Variants in IL1RAPL2 observed in about 807,000 individuals in gnomAD.
The protein encoded by IL1RAPL2 is interleukin 1 receptor accessory protein like 2.
IL1RAPL2 carries 3 observed loss-of-function variants against 44.1 expected under a neutral mutation model. The ratio of observed to expected loss-of-function variants is 0.07; its 90% CI spans 0.03 to 0.18. IL1RAPL2 has a LOEUF of 0.18. Among genes scored for constraint, IL1RAPL2 ranks in the 10% least tolerant of loss-of-function variants. IL1RAPL2 has a pLI of 1.00. For missense variants in IL1RAPL2, 391 were observed against 496.4 expected (o/e 0.79, Z 2.02); for synonymous variants, 181 against 178.8 (o/e 1.01, Z -0.10).
At chrX:105,358,651 G>A (rs1482690640) in intron 5 of IL1RAPL2, among the ~76,000 whole-genome samples, 1 of 98,958 alleles carries the variant, frequency 1.0e-5, no homozygotes, top group African/African-American at 3.9e-5. Context: ...CTCCAGCCTG[G>A]GCAATAGAGT....
intron 1 of IL1RAPL2, among the ~76,000 whole-genome samples, 161 bp from the exon 2 acceptor site, chrX:104,658,734 A>G (rs1426437965): frequency 8.9e-6 from 1 of 112,893 alleles, no homozygotes; most frequent in Non-Finnish European, 1.9e-5. Flanking sequence ...TTTAACTGTG[A>G]ACTTTCATGT....
chrX:105,075,999 G>A (rs1157243012), intron 2 of IL1RAPL2, among the ~76,000 whole-genome samples: 89 of 111,418 alleles, frequency 8.0e-4, no homozygotes, highest in African/African-American at 2.8e-3. Context: ...ACCAGCTCCT[G>A]GATTCATTGA....
intron 6 of IL1RAPL2, among the ~76,000 whole-genome samples, chrX:105,684,983 T>C (rs2037957970): frequency 9.0e-6 from 1 of 111,669 alleles, no homozygotes; most frequent in Non-Finnish European, 1.9e-5. Flanking sequence ...GAAGGAAAAC[T>C]AACAAACAGA....
At position 105,369,599 on chromosome X, in the gene IL1RAPL2, T is replaced by C. The variant is rs920309896; in HGVS notation, c.697+102058T>C. ...GAGGGTCTGAGACATATGACTGTAT[T>C]CTTGATCAGACTGCTCATTTTGAAC... On this transcript the variant is annotated intron_variant, in intron 5 of 10. Transcript: ENST00000372582. Among the ~76,000 whole-genome samples the C allele has an allele frequency of 5.4e-5, 6 of 111,590 alleles. No individual in the cohort carries two copies. In the Admixed American group the frequency reaches 5.8e-4, roughly 11 times the overall value.
chrX:105,073,801 C>A (rs1387360178), intron 2 of IL1RAPL2, among the ~76,000 whole-genome samples: 4 of 112,029 alleles, frequency 3.6e-5, no homozygotes, highest in Non-Finnish European at 7.5e-5. Flanking sequence ...TGATGATGAG[C>A]ATTTTTTCAT....
At chrX:104,901,579 G>A (rs1362850326) in intron 2 of IL1RAPL2, among the ~76,000 whole-genome samples, 1 of 110,294 alleles carries the variant, frequency 9.1e-6, no homozygotes, top group African/African-American at 3.3e-5. Context: ...GATTTGGCAG[G>A]GCTCTATCAG....
intron 1 of IL1RAPL2, among the ~76,000 whole-genome samples, chrX:104,572,563 T>C (rs772126060): frequency 8.9e-6 from 1 of 112,120 alleles, no homozygotes; most frequent in East Asian, 2.8e-4. Context: ...TTATCTCTCA[T>C]ACCTCATAGC....
At chrX:105,293,629 T>C (rs2034632350) in intron 5 of IL1RAPL2, among the ~76,000 whole-genome samples, 2 of 112,435 alleles carry the variant, frequency 1.8e-5, no homozygotes, top group South Asian at 7.3e-4. Flanking sequence ...GTGTTAAGCA[T>C]GTTTTCATAT....
intron 6 of IL1RAPL2, among the ~76,000 whole-genome samples, chrX:105,541,518 T>C (rs1178587509): frequency 9.0e-6 from 1 of 111,567 alleles, no homozygotes; most frequent in Admixed American, 9.5e-5. Flanking sequence ...AAGGTAAATC[T>C]GGACAAAGTA....
At chrX:104,567,655 C>G (rs1602623576) in intron 1 of IL1RAPL2, among the ~76,000 whole-genome samples, 1 of 112,314 alleles carries the variant, frequency 8.9e-6, no homozygotes, top group Admixed American at 9.3e-5. Context: ...ATCCCCGATA[C>G]CCCTAGAGTG....
chrX:104,645,607 C>T (rs1930021161), intron 1 of IL1RAPL2, among the ~76,000 whole-genome samples: 1 of 112,154 alleles, frequency 8.9e-6, no homozygotes, highest in African/African-American at 3.2e-5. Flanking sequence ...TCTCTCTTTC[C>T]TTTCAAAACA....
At chrX:105,227,419 AC>A (rs1556190721) in intron 3 of IL1RAPL2, among the ~76,000 whole-genome samples, 1 of 111,906 alleles carries the variant, frequency 8.9e-6, no homozygotes, top group Non-Finnish European at 1.9e-5. Flanking sequence ...AAACAATAAA[AC>A]AAAAATCCCG....
At chrX:104,901,118 T>G (rs191628168) in intron 2 of IL1RAPL2, among the ~76,000 whole-genome samples, 58 of 108,534 alleles carry the variant, frequency 5.3e-4, no homozygotes, top group Admixed American at 4.9e-3. Context: ...TTAATATACC[T>G]CAGTTAATGA....
At chrX:105,357,833 A>G (rs1056603631) in intron 5 of IL1RAPL2, among the ~76,000 whole-genome samples, 30 of 109,397 alleles carry the variant, frequency 2.7e-4, no homozygotes, top group African/African-American at 1.0e-3. Flanking sequence ...GTATACATAT[A>G]CTCACACATT....
Position 105,234,126 on chromosome X carries a change from A to G in IL1RAPL2, c.543+122A>G, listed in dbSNP as rs1188089661. The G allele has an allele frequency of 8.1e-6, 4 of 491,938 alleles. No individual in the cohort carries two copies. The Admixed American group carries it at 1.7e-4, about 21-fold the overall frequency. 40.5% of individuals were successfully genotyped at this position (491,938 alleles called of 1,213,427 possible). A position where few individuals can be genotyped will look rare whatever the true frequency, so the allele number is the denominator to read the frequency against. Reference sequence around the variant, plus strand: ...ATATTTCACTGAGAAGAATCAACAGATCCATAACTAAATAATTCAGAGCTG... The same window carrying G: ...ATATTTCACTGAGAAGAATCAACAGGTCCATAACTAAATAATTCAGAGCTG... On this transcript the variant is annotated intron_variant, in intron 4 of 10. Transcript: ENST00000372582.
intron 2 of IL1RAPL2, among the ~76,000 whole-genome samples, chrX:105,082,836 G>A (rs1358726494): frequency 1.8e-5 from 2 of 111,741 alleles, no homozygotes; most frequent in Non-Finnish European, 3.8e-5. Flanking sequence ...AATCCACAAA[G>A]ATGGGGATAG....
chrX:105,307,012 G>A (rs188572202), intron 5 of IL1RAPL2, among the ~76,000 whole-genome samples: 32 of 110,977 alleles, frequency 2.9e-4, no homozygotes, highest in African/African-American at 1.0e-3. Flanking sequence ...GGTGGCAGGC[G>A]TGCGTGCACA....
intron 2 of IL1RAPL2, among the ~76,000 whole-genome samples, chrX:104,938,291 A>G (rs1393943491): frequency 8.9e-6 from 1 of 112,299 alleles, no homozygotes; most frequent in Admixed American, 9.5e-5. Context: ...CAAAGACGTT[A>G]CTGCTTTATT....
intron 2 of IL1RAPL2, among the ~76,000 whole-genome samples, chrX:105,059,129 T>C: frequency 8.9e-6 from 1 of 112,334 alleles, no homozygotes. Flanking sequence ...AATCCAATTA[T>C]ATCCAATTAT....
Sources: gnomAD v4.1 joint callset for allele counts (sites outside exome capture counted in the v4.1 genomes callset) on GRCh38, gnomAD v4.1.1 for gene constraint, MANE v1.5 for transcripts, NCBI Gene and HGNC (gene_info 2026-07-23, HGNC 2026-07-21) for gene names.